IL1RAPL2: variants seen among roughly 807,000 people sequenced by gnomAD.
The protein encoded by IL1RAPL2 is X-linked interleukin-1 receptor accessory protein-like 2.
In IL1RAPL2, 3 loss-of-function variants were observed where a neutral mutation model predicts 44.1. The ratio of observed to expected loss-of-function variants is 0.07; its 90% confidence interval spans 0.03 to 0.18. The LOEUF (loss-of-function observed/expected upper bound fraction) is 0.18. Ranked by LOEUF, IL1RAPL2 falls within the 10% of genes least tolerant of loss-of-function variation. IL1RAPL2 has a pLI of 1.00. For synonymous variants in IL1RAPL2, 181 were observed against 178.8 expected (o/e 1.01, Z -0.10); for missense variants, 391 against 496.4 (o/e 0.79, Z 2.02).
intron 1 of IL1RAPL2, among the ~76,000 whole-genome samples, chrX:104,627,852 A>G (rs2148010562): frequency 9.0e-6 from 1 of 111,367 alleles, no homozygotes; most frequent in Non-Finnish European, 1.9e-5. Flanking sequence ...TGGTATGTCT[A>G]AAAGGAATAA....
At chrX:105,549,368 A>G (rs2036833129) in intron 6 of IL1RAPL2, among the ~76,000 whole-genome samples, 1 of 112,075 alleles carries the variant, frequency 8.9e-6, no homozygotes, top group South Asian at 3.7e-4. Flanking sequence ...CTTAACCTTC[A>G]TCTAATTTTT....
intron 5 of IL1RAPL2, among the ~76,000 whole-genome samples, chrX:105,283,827 G>A (rs1054686125): frequency 9.0e-6 from 1 of 111,063 alleles, no homozygotes; most frequent in Non-Finnish European, 1.9e-5. Context: ...ACTAAATTGT[G>A]TGGGGCAATT....
chrX:104,907,870 G>C (rs1924072504), intron 2 of IL1RAPL2, among the ~76,000 whole-genome samples: 2 of 109,776 alleles, frequency 1.8e-5, no homozygotes, highest in African/African-American at 6.6e-5. Context: ...TTGACTTTCT[G>C]TCTCGTTGAT....
chrX:105,134,465 T>A lies in IL1RAPL2; in HGVS notation c.83-61010T>A, dbSNP rs73245754. 1.9e-3 allele frequency among the ~76,000 whole-genome samples: 212 copies of A among 111,884 alleles called. 1 individual carries two copies. Among genetic ancestry groups the A allele is most frequent in the Middle Eastern group, 9.4e-3 (2 of 212 alleles). Reference sequence around the variant, plus strand: ...CTAAGTTCTACAGATATAGTAAGTATCTCTCTCTTTAGTATGTTTACACAC... The same window carrying A: ...CTAAGTTCTACAGATATAGTAAGTAACTCTCTCTTTAGTATGTTTACACAC... On this transcript the variant is annotated intron_variant, in intron 2 of 10. Transcript: ENST00000372582.
At chrX:104,877,111 T>G (rs1193862816) in intron 2 of IL1RAPL2, among the ~76,000 whole-genome samples, 1 of 111,238 alleles carries the variant, frequency 9.0e-6, no homozygotes, top group Non-Finnish European at 1.9e-5. Context: ...TGCCACATTT[T>G]CTTAATCCAG....
At chrX:105,411,683 T>A (rs1383093343) in intron 5 of IL1RAPL2, among the ~76,000 whole-genome samples, 1 of 111,235 alleles carries the variant, frequency 9.0e-6, no homozygotes, top group African/African-American at 3.3e-5. Flanking sequence ...TATTATTAGA[T>A]CTAAAGGGAA....
At chrX:104,950,159 C>T (rs1271008665) in intron 2 of IL1RAPL2, among the ~76,000 whole-genome samples, 2 of 111,717 alleles carry the variant, frequency 1.8e-5, no homozygotes, top group African/African-American at 3.3e-5. Context: ...GAATTGATCC[C>T]TTTACCATTA....
chrX:104,604,576 G>C (rs1928961053), intron 1 of IL1RAPL2, among the ~76,000 whole-genome samples: 1 of 85,433 alleles, frequency 1.2e-5, no homozygotes, highest in Non-Finnish European at 2.1e-5. Context: ...CATGTGCAAA[G>C]ACACACATAG....
intron 5 of IL1RAPL2, among the ~76,000 whole-genome samples, chrX:105,312,823 G>T (rs1387522618): frequency 2.7e-5 from 3 of 111,024 alleles, no homozygotes; most frequent in Non-Finnish European, 5.7e-5. Flanking sequence ...GAAACATCAT[G>T]TTGTACATGA....
intron 2 of IL1RAPL2, among the ~76,000 whole-genome samples, chrX:104,671,348 T>C (rs1300397768): frequency 9.0e-6 from 1 of 111,709 alleles, no homozygotes; most frequent in African/African-American, 3.3e-5. Context: ...ACTGTTCATA[T>C]TCCCAGCTCT....
At chrX:105,458,395 A>C (rs1383263827) in intron 5 of IL1RAPL2, among the ~76,000 whole-genome samples, 1 of 111,843 alleles carries the variant, frequency 8.9e-6, no homozygotes, top group Non-Finnish European at 1.9e-5. Flanking sequence ...CTACAATGGC[A>C]TATTATTCAG....
At chrX:105,485,829 G>A (rs1278431146) in intron 6 of IL1RAPL2, among the ~76,000 whole-genome samples, 2 of 111,907 alleles carry the variant, frequency 1.8e-5, no homozygotes, top group African/African-American at 6.5e-5. Context: ...TTGTGTATAT[G>A]TACCACATTT....
intron 2 of IL1RAPL2, among the ~76,000 whole-genome samples, chrX:104,961,705 A>G (rs1469834919): frequency 7.2e-5 from 8 of 111,872 alleles, no homozygotes; most frequent in Non-Finnish European, 1.5e-4. Context: ...TAATGTGTTT[A>G]CTGTTTCAGT....
chrX:104,674,731 C>A (rs746742651), intron 2 of IL1RAPL2, among the ~76,000 whole-genome samples: 1 of 109,738 alleles, frequency 9.1e-6, no homozygotes, highest in African/African-American at 3.3e-5. Flanking sequence ...TGGTCCTGGA[C>A]TCTTTTTGGT....
At chrX:104,926,559 A>G (rs1341659321) in intron 2 of IL1RAPL2, among the ~76,000 whole-genome samples, 1 of 111,794 alleles carries the variant, frequency 8.9e-6, no homozygotes, top group Non-Finnish European at 1.9e-5. Context: ...TGTGGGAGGC[A>G]TTATAATTTG....
At chrX:105,735,347 A>G (rs2038439117) in intron 7 of IL1RAPL2, among the ~76,000 whole-genome samples, 1 of 109,156 alleles carries the variant, frequency 9.2e-6, no homozygotes, top group South Asian at 3.8e-4. Context: ...CAAATTGTAT[A>G]TATTAAATAA....
At chrX:105,218,813 T>C (rs1762797594) in intron 3 of IL1RAPL2, 2 of 492,191 alleles carry the variant, frequency 4.1e-6, no homozygotes, top group African/African-American at 2.4e-5. Flanking sequence ...TCTGAAGTTA[T>C]TCGTAAAGGT....
At chrX:104,783,995 C>T (rs1371993759) in intron 2 of IL1RAPL2, among the ~76,000 whole-genome samples, 1 of 110,861 alleles carries the variant, frequency 9.0e-6, no homozygotes, top group African/African-American at 3.3e-5. Context: ...ATTGCCTGAA[C>T]ACCCAAGTTC....
At chrX:104,823,383 A>G (rs1296716781) in intron 2 of IL1RAPL2, among the ~76,000 whole-genome samples, 1 of 110,725 alleles carries the variant, frequency 9.0e-6, no homozygotes, top group African/African-American at 3.3e-5. Context: ...GTTTACTGAG[A>G]ATGATGTTTT....
Sources: gnomAD v4.1 joint callset for allele counts (sites outside exome capture counted in the v4.1 genomes callset) on GRCh38, gnomAD v4.1.1 for gene constraint, MANE v1.5 for transcripts, NCBI Gene and HGNC (gene_info 2026-07-23, HGNC 2026-07-21) for gene names.